Variants in EHBP1 observed in about 807,000 individuals in gnomAD.
EHBP1 encodes EH domain binding protein 1.
A neutral mutation model predicts 144.0 loss-of-function variants in EHBP1; 55 were observed. That is an observed-to-expected ratio of 0.38 (90% CI 0.31 to 0.48). EHBP1 has a LOEUF of 0.48. Ranked by LOEUF, EHBP1 falls within the 20% of genes least tolerant of loss-of-function variation. The pLI is 0.98. For synonymous variants in EHBP1, 469 were observed against 472.7 expected (o/e 0.99, Z 0.10); for missense variants, 1,200 against 1,364.2 (o/e 0.88, Z 1.90).
intron 14 of EHBP1, among the ~76,000 whole-genome samples, chr2:62,964,538 C>T (rs190593559): frequency 1.3e-4 from 20 of 152,246 alleles, no homozygotes; most frequent in African/African-American, 3.9e-4. Context: ...ATGCCTTGAA[C>T]GAAAAGTCAC....
At chr2:62,833,974 G>A (rs2047021513) in intron 7 of EHBP1, among the ~76,000 whole-genome samples, 1 of 152,168 alleles carries the variant, frequency 6.6e-6, no homozygotes, top group South Asian at 2.1e-4. Flanking sequence ...TGACTTTGAG[G>A]GGTTTAAGAC....
intron 10 of EHBP1, among the ~76,000 whole-genome samples, chr2:62,879,169 T>C (rs2051151018): frequency 6.6e-6 from 1 of 152,120 alleles, no homozygotes; most frequent in Non-Finnish European, 1.5e-5. Context: ...CTATGACAGT[T>C]CTGCAGTTAA....
rs533276712 is a variant in EHBP1 at position 62,820,008 on chromosome 2, T to C, written c.313-6079T>C. On this transcript the variant is annotated intron_variant, in intron 5 of 22. Transcript: ENST00000431489. ...GGCAGATCACCTGAGGTCAGGAGTT[T>C]GAGACCAGCCTGGCCAACATGGTGA... Among the ~76,000 whole-genome samples, 22 of 151,714 alleles carry C rather than the reference T, an allele frequency of 1.5e-4. No homozygotes were observed. In the East Asian group the frequency reaches 4.1e-3, roughly 28 times the overall value.
At chr2:62,989,580 G>A (rs1018159856) in intron 15 of EHBP1, among the ~76,000 whole-genome samples, 2 of 152,138 alleles carry the variant, frequency 1.3e-5, no homozygotes, top group African/African-American at 4.8e-5. Context: ...TTTCCAAAAC[G>A]AACACACATC....
intron 10 of EHBP1, among the ~76,000 whole-genome samples, chr2:62,892,574 T>G (rs2052551614): frequency 6.6e-6 from 1 of 152,122 alleles, no homozygotes; most frequent in East Asian, 1.9e-4. Flanking sequence ...TTTGATCATG[T>G]GTTATTCTTA....
chr2:62,694,341 G>A (rs1012779067), intron 1 of EHBP1, among the ~76,000 whole-genome samples: 1 of 152,016 alleles, frequency 6.6e-6, no homozygotes, highest in African/African-American at 2.4e-5. Context: ...AATTGAATTA[G>A]GAACTGGTAT....
rs577762617 is a variant in EHBP1 at position 62,835,685 on chromosome 2, G to A, written c.634+4527G>A. On this transcript the variant is annotated intron_variant, in intron 7 of 22. Coordinates refer to ENST00000431489, the MANE Select transcript of EHBP1 (RefSeq NM_001142616.3). ...CGAGGCATTGCCTCACCTGGGAAGC[G>A]CAAGGGGTCAGGGAGTTCCCTTTCC... is the stretch of plus-strand genomic sequence containing the variant. 1.2e-4 allele frequency among the ~76,000 whole-genome samples: 19 copies of A among 152,314 alleles called. No homozygotes were observed. The South Asian group carries it at 1.5e-3, about 12-fold the overall frequency.
intron 5 of EHBP1, among the ~76,000 whole-genome samples, chr2:62,784,035 G>A (rs1166221460): frequency 6.6e-6 from 1 of 152,104 alleles, no homozygotes; most frequent in Non-Finnish European, 1.5e-5. Context: ...CTCTGGGGCA[G>A]GATGAATTTA....
At chr2:62,720,747 T>G (rs1240856000) in intron 2 of EHBP1, among the ~76,000 whole-genome samples, 1 of 152,164 alleles carries the variant, frequency 6.6e-6, no homozygotes, top group Non-Finnish European at 1.5e-5. Context: ...TGTCCAATCT[T>G]TTGGTTTCCC....
intron 5 of EHBP1, among the ~76,000 whole-genome samples, chr2:62,787,718 A>G (rs559345099): frequency 1.1e-3 from 174 of 152,328 alleles, no homozygotes; most frequent in African/African-American, 4.1e-3. Flanking sequence ...AGAATAAGCT[A>G]TTGTGCCAAA....
At chr2:62,947,031 T>C (rs1484620438) in intron 12 of EHBP1, among the ~76,000 whole-genome samples, 1 of 152,192 alleles carries the variant, frequency 6.6e-6, no homozygotes, top group Non-Finnish European at 1.5e-5. Flanking sequence ...CTTTCCCTGA[T>C]GGCCTGCAAT....
chr2:62,725,549 G>A (rs2036685597), intron 2 of EHBP1, among the ~76,000 whole-genome samples: 1 of 152,232 alleles, frequency 6.6e-6, no homozygotes, highest in Admixed American at 6.5e-5. Flanking sequence ...CAGGGCAGCA[G>A]GGAGTCTGCT....
intron 10 of EHBP1, among the ~76,000 whole-genome samples, chr2:62,901,501 T>C (rs1277464271): frequency 3.3e-5 from 5 of 152,022 alleles, no homozygotes; most frequent in Non-Finnish European, 1.5e-5. Context: ...TTAGCTTCAT[T>C]TGATAGAACT....
At chr2:62,850,278 A>G (rs1426253944) in intron 7 of EHBP1, among the ~76,000 whole-genome samples, 1 of 152,194 alleles carries the variant, frequency 6.6e-6, no homozygotes, top group African/African-American at 2.4e-5. Context: ...CAAGATTTGC[A>G]GGTATATTCT....
intron 19 of EHBP1, among the ~76,000 whole-genome samples, chr2:63,022,989 T>C (rs1309186702): frequency 2.0e-5 from 3 of 151,986 alleles, no homozygotes; most frequent in Non-Finnish European, 4.4e-5. Context: ...GCCTGGCCAA[T>C]ATGTCAGAAC....
chr2:62,804,592 C>T (rs72888955), intron 5 of EHBP1, among the ~76,000 whole-genome samples: 348 of 152,248 alleles, frequency 2.3e-3, no homozygotes, highest in African/African-American at 8.0e-3. Context: ...TAAAAACTAA[C>T]GTATATTTAA....
At chr2:62,742,308 G>T (rs993726253) in intron 2 of EHBP1, among the ~76,000 whole-genome samples, 3 of 152,170 alleles carry the variant, frequency 2.0e-5, no homozygotes, top group Non-Finnish European at 4.4e-5. Context: ...TAAGGGACTT[G>T]AACATCCTTA....
chr2:63,019,830 GGGAAGGAAGGAAGGAA>G (rs539462695), intron 19 of EHBP1, among the ~76,000 whole-genome samples: 677 of 34,770 alleles, frequency 0.019, 11 homozygotes, highest in African/African-American at 0.064. Context: ...AAGAGGGGGA[GGGAAGGAAGGAAGGAA>G]GGAAGGAAGG....
At chr2:62,776,280 G>C (rs1459109273) in intron 5 of EHBP1, among the ~76,000 whole-genome samples, 1 of 152,156 alleles carries the variant, frequency 6.6e-6, no homozygotes, top group African/African-American at 2.4e-5. Context: ...TGAAATTTTA[G>C]AGGTGGTTCT....
Sources: allele counts gnomAD v4.1 joint callset (sites outside exome capture counted in the v4.1 genomes callset), GRCh38; gene constraint gnomAD v4.1.1; transcripts MANE v1.5; gene names NCBI Gene and HGNC (gene_info 2026-07-23, HGNC 2026-07-21).